The following PAK1 variants were observed in gnomAD, a reference collection of about 807,000 sequenced individuals.
PAK1 encodes the protein p21 (RAC1) activated kinase 1, also known as serine/threonine-protein kinase PAK 1.
A neutral mutation model predicts 67.4 loss-of-function variants in PAK1; 29 were observed. That is an observed-to-expected ratio of 0.43 (90% CI 0.32 to 0.59). The LOEUF is 0.59. Ranked by LOEUF, PAK1 falls within the 20% of genes least tolerant of loss-of-function variation. PAK1 has a pLI of 0.07. For synonymous variants in PAK1, 223 were observed against 237.4 expected, an observed-to-expected ratio of 0.94 and a Z score of 0.56; for missense variants, 337 against 670.7, an observed-to-expected ratio of 0.50 and a Z score of 5.50.
intron 1 of PAK1, chr11:77,408,013 A>C (rs1953884132): frequency 6.6e-6 from 1 of 152,240 alleles, no homozygotes; most frequent in Non-Finnish European, 1.5e-5. Flanking sequence ...CAAACTCAGG[A>C]GATAACAGGG....
intron 14 of PAK1, among the ~76,000 whole-genome samples, chr11:77,326,504 G>A (rs780688291): frequency 1.3e-5 from 2 of 152,120 alleles, no homozygotes; most frequent in Non-Finnish European, 2.9e-5. Context: ...GAGCAACATG[G>A]CAAAACCCTG....
intron 5 of PAK1, among the ~76,000 whole-genome samples, chr11:77,370,566 A>G (rs1948292704): frequency 6.6e-6 from 1 of 151,756 alleles, no homozygotes; most frequent in Admixed American, 6.6e-5. Flanking sequence ...AGCTACTTTC[A>G]TTTTCCTAGG....
the PAK1 span, among the ~76,000 whole-genome samples, chr11:77,515,651 G>A: frequency 6.6e-6 from 1 of 152,174 alleles, no homozygotes; most frequent in Non-Finnish European, 1.5e-5. Flanking sequence ...GGTCTGGCCT[G>A]AAGGCAGGAA....
intron 14 of PAK1, chr11:77,329,293 C>A (rs1940851769): frequency 6.6e-6 from 1 of 152,242 alleles, no homozygotes; most frequent in African/African-American, 2.4e-5. Flanking sequence ...ATGAGGCCAG[C>A]ATCATCCTGA....
intron 6 of PAK1, 158 bp from the exon 7 acceptor site, chr11:77,356,000 C>T: frequency 1.7e-6 from 1 of 574,688 alleles, no homozygotes; most frequent in South Asian, 2.3e-5. Context: ...TGCCCAGGCC[C>T]ACCCATTCTG....
chr11:77,490,665 T>C, the PAK1 span, among the ~76,000 whole-genome samples: 1 of 152,124 alleles, frequency 6.6e-6, no homozygotes, highest in Admixed American at 6.5e-5. Context: ...AGGATGACAA[T>C]GGCGGTTTTG....
chr11:77,330,559 T>C (rs1184808424), intron 14 of PAK1, among the ~76,000 whole-genome samples: 1 of 152,118 alleles, frequency 6.6e-6, no homozygotes, highest in African/African-American at 2.4e-5. Flanking sequence ...TAATAAATGG[T>C]GCTGGGAAAA....
intron 14 of PAK1, among the ~76,000 whole-genome samples, chr11:77,326,322 T>C (rs1249327073): frequency 6.6e-6 from 1 of 152,150 alleles, no homozygotes; most frequent in Non-Finnish European, 1.5e-5. Flanking sequence ...AAGTAGAGTA[T>C]CATTGCCATT....
chr11:77,391,096 T>TC (rs1416225388), intron 2 of PAK1, among the ~76,000 whole-genome samples: 1 of 152,174 alleles, frequency 6.6e-6, no homozygotes, highest in Non-Finnish European at 1.5e-5. Flanking sequence ...ATCTACCATC[T>TC]CCCCTGATCC....
intron 2 of PAK1, among the ~76,000 whole-genome samples, chr11:77,385,603 C>A (rs1950344140): frequency 6.6e-6 from 1 of 152,224 alleles, no homozygotes; most frequent in South Asian, 2.1e-4. Flanking sequence ...TGCCTGTAAT[C>A]CCAGCACTTT....
At chr11:77,330,233 C>A (rs1322618869) in intron 14 of PAK1, among the ~76,000 whole-genome samples, 6 of 152,176 alleles carry the variant, frequency 3.9e-5, no homozygotes, top group Non-Finnish European at 5.9e-5. Flanking sequence ...AGATTCAATG[C>A]CATCCCCATC....
intron 1 of PAK1, among the ~76,000 whole-genome samples, chr11:77,394,504 T>A (rs1227870929): frequency 6.6e-6 from 1 of 152,140 alleles, no homozygotes; most frequent in East Asian, 1.9e-4. Flanking sequence ...CTCAATCCTT[T>A]ATCCAGGAGC....
At chr11:77,520,457 C>A in the PAK1 span, among the ~76,000 whole-genome samples, 1 of 152,088 alleles carries the variant, frequency 6.6e-6, no homozygotes, top group African/African-American at 2.4e-5. Context: ...AAGGAAAGCT[C>A]AAAAATCCTG....
At chr11:77,526,284 A>AATC in the PAK1 span, among the ~76,000 whole-genome samples, 3 of 152,210 alleles carry the variant, frequency 2.0e-5, no homozygotes, top group Non-Finnish European at 4.4e-5. Flanking sequence ...TGGAAAATTG[A>AATC]TAATGTTGAG....
At chr11:77,335,412 T>G (rs532461391) in intron 13 of PAK1, among the ~76,000 whole-genome samples, 2 of 152,282 alleles carry the variant, frequency 1.3e-5, no homozygotes, top group East Asian at 3.9e-4. Flanking sequence ...TTAAGTATGC[T>G]CTTCACCATT....
intron 4 of PAK1, 29 bp downstream of exon 4, chr11:77,379,212 T>G: frequency 6.4e-7 from 1 of 1,560,382 alleles, no homozygotes; most frequent in Non-Finnish European, 8.7e-7. Flanking sequence ...CATCTCTTGC[T>G]GAGACTGCCC....
intron 1 of PAK1, among the ~76,000 whole-genome samples, chr11:77,417,222 C>T (rs1592394549): frequency 6.6e-6 from 1 of 152,156 alleles, no homozygotes; most frequent in East Asian, 1.9e-4. Context: ...TTGCTAAAAA[C>T]TGGAAGCGAC....
chr11:77,434,535 C>T (rs868498421), intron 1 of PAK1, among the ~76,000 whole-genome samples: 1 of 151,864 alleles, frequency 6.6e-6, no homozygotes, highest in East Asian at 1.9e-4. Flanking sequence ...GTAACCTCAA[C>T]CTCCTGGGCT....
chr11:77,381,284 A>G (rs1949804941), intron 2 of PAK1, among the ~76,000 whole-genome samples: 1 of 152,106 alleles, frequency 6.6e-6, no homozygotes, highest in South Asian at 2.1e-4. Flanking sequence ...CATTCTGTGA[A>G]TCTATGAAAA....
Sources: allele counts gnomAD v4.1 joint callset (sites outside exome capture counted in the v4.1 genomes callset), GRCh38; gene constraint gnomAD v4.1.1; transcripts MANE v1.5; gene names NCBI Gene and HGNC (gene_info 2026-07-23, HGNC 2026-07-21).